Variants in ERCC6L2 observed in about 807,000 individuals in gnomAD.
The protein encoded by ERCC6L2 is DNA excision repair protein ERCC-6-like 2.
Under a neutral mutation model 132.0 loss-of-function variants are expected in ERCC6L2, and 77 were observed. That is an observed-to-expected ratio of 0.58 (90% CI 0.49 to 0.71). The LOEUF is 0.71. Among genes scored for constraint, ERCC6L2 ranks in the 30% least tolerant of loss-of-function variants. ERCC6L2 has a pLI of 0.00. For missense variants in ERCC6L2, 1,542 were observed against 1,837.6 expected (o/e 0.84, Z 2.94); for synonymous variants, 583 against 632.4 (o/e 0.92, Z 1.17).
intron 9 of ERCC6L2, among the ~76,000 whole-genome samples, chr9:95,926,619 T>C (rs914843563): frequency 6.6e-6 from 1 of 152,112 alleles, no homozygotes; most frequent in Non-Finnish European, 1.5e-5. Context: ...TGCTATGGGT[T>C]CTGGGGGAGG....
At chr9:96,007,434 G>A (rs1359857897) in intron 18 of ERCC6L2, among the ~76,000 whole-genome samples, 2 of 152,226 alleles carry the variant, frequency 1.3e-5, no homozygotes, top group Admixed American at 6.5e-5. Flanking sequence ...ATTAATCCAG[G>A]ATCTTGAGAG....
rs766330761 is a variant in ERCC6L2, at chr9:95,876,053, G to C, written c.15G>C (p.Ala5=). 18 of 1,587,176 alleles carry C rather than the reference G, an allele frequency of 1.1e-5. No individual in the cohort carries two copies. In the Admixed American group the frequency reaches 2.6e-4, roughly 23 times the overall value. The change falls in exon 1 of 19, where the codon GCG becomes GCC. Residue 5 remains alanine (A), a synonymous_variant. Coordinates refer to ENST00000653738, the MANE Select transcript of ERCC6L2 (RefSeq NM_020207.7). MDPS[A]PQPRAETSGK... ...CCCCTGGCCGGATGGATCCGTCGGC[G>C]CCACAGCCCCGCGCGGAAACCTCAG...
chr9:95,876,135 G>A (rs1208771427), intron 1 of ERCC6L2, 51 bp downstream of exon 1: 2 of 1,506,984 alleles, frequency 1.3e-6, no homozygotes, highest in Non-Finnish European at 9.0e-7. Context: ...ACTGCGTCGC[G>A]TTGGACCAGT....
At chr9:95,981,432 T>A (rs1832887986) in intron 17 of ERCC6L2, among the ~76,000 whole-genome samples, 1 of 152,230 alleles carries the variant, frequency 6.6e-6, no homozygotes, top group South Asian at 2.1e-4. Context: ...TAGAACATAT[T>A]TTATAAATGT....
At chr9:95,947,782 G>A (rs2132925709) in intron 12 of ERCC6L2, among the ~76,000 whole-genome samples, 1 of 152,202 alleles carries the variant, frequency 6.6e-6, no homozygotes, top group South Asian at 2.1e-4. Flanking sequence ...CTCTGCCTGT[G>A]CTTTGTAAAA....
intron 12 of ERCC6L2, among the ~76,000 whole-genome samples, chr9:95,944,832 G>A (rs923263704): frequency 6.6e-5 from 10 of 152,166 alleles, no homozygotes; most frequent in African/African-American, 1.7e-4. Context: ...TTTTATTAGC[G>A]ATTTTCAAAA....
At chr9:95,905,125 G>A (rs2132647549) in intron 3 of ERCC6L2, 1 of 152,218 alleles carries the variant, frequency 6.6e-6, no homozygotes, top group South Asian at 2.1e-4. Context: ...TGTGTGTAGT[G>A]ACTTAGCAGT....
At chr9:95,922,486 G>T in intron 8 of ERCC6L2, 68 bp downstream of exon 8, 1 of 921,102 alleles carries the variant, frequency 1.1e-6, no homozygotes, top group Non-Finnish European at 1.6e-6. Context: ...TTTTAAAATA[G>T]TTATTAAATA....
intron 16 of ERCC6L2, among the ~76,000 whole-genome samples, chr9:95,973,969 T>A (rs1265964475): frequency 6.6e-6 from 1 of 152,200 alleles, no homozygotes; most frequent in African/African-American, 2.4e-5. Context: ...TCTTCTGTCT[T>A]CTATATTACC....
chr9:95,916,351 A>G lies in ERCC6L2; in HGVS notation c.1075A>G (p.Arg359Gly). 1 of 1,611,854 alleles carries G rather than the reference A, an allele frequency of 6.2e-7. No individual in the cohort carries two copies. The highest frequency in any genetic ancestry group is 8.5e-7 in the Non-Finnish European group (1 of 1,179,502). ...ELATGRKAMQ[R>G]LAKKMSGWFL... is the part of the protein sequence containing the mutation. ...AGCCACTGGCCGAAAGGCCATGCAAAGACTTGCCAAAAAGATGTCTGGCTG... is the reference window on the plus strand; with the variant it reads ...AGCCACTGGCCGAAAGGCCATGCAAGGACTTGCCAAAAAGATGTCTGGCTG... Residue 359 changes from arginine to glycine, a missense_variant, in exon 6 of 19, where the codon AGA becomes GGA. Transcript: ENST00000653738.
In ERCC6L2 at chr9:95,881,182, T is replaced by C. The variant is rs1293820365; in HGVS notation, c.360T>C (p.Asn120=). Residue 120 remains asparagine (N), a synonymous_variant, in exon 2 of 19, where the codon AAT becomes AAC. Transcript: ENST00000653738. ...DNGDSIPYTI[N]RYLRDYQREG... ...GAGACTCTATTCCTTATACCATCAA[T>C]AGGTATTTGAGAGACTACCAAAGAG... is the stretch of plus-strand genomic sequence containing the variant. 2 of 1,613,318 alleles carry C rather than the reference T, an allele frequency of 1.2e-6. No homozygotes were observed. Among genetic ancestry groups the C allele is most frequent in the Non-Finnish European group, 8.5e-7 (1 of 1,179,694 alleles).
chr9:95,956,161 T>C (rs745723015), intron 13 of ERCC6L2, 148 bp downstream of exon 13: 204 of 466,008 alleles, frequency 4.4e-4, no homozygotes, highest in Non-Finnish European at 6.9e-4. Flanking sequence ...AATACACTTT[T>C]ATGAAACAGA....
At chr9:95,927,453 T>C (rs1033171689) in intron 9 of ERCC6L2, among the ~76,000 whole-genome samples, 5 of 152,176 alleles carry the variant, frequency 3.3e-5, no homozygotes, top group African/African-American at 1.2e-4. Flanking sequence ...GTGACTGTTA[T>C]ACACAAGGCT....
intron 12 of ERCC6L2, among the ~76,000 whole-genome samples, chr9:95,947,666 C>T (rs1254420095): frequency 6.6e-6 from 1 of 152,166 alleles, no homozygotes; most frequent in Non-Finnish European, 1.5e-5. Context: ...AAAAGATAGG[C>T]TGACTCTCTT....
intron 17 of ERCC6L2, among the ~76,000 whole-genome samples, chr9:96,002,423 CT>C (rs11398688): frequency 4.4e-4 from 63 of 144,058 alleles, no homozygotes; most frequent in Non-Finnish European, 5.9e-4. Flanking sequence ...GTTAGTTTGG[CT>C]TTTTTTTTTT....
In ERCC6L2 at chr9:96,040,152, GC is replaced by G. The variant is rs1173486442; in HGVS notation, c.*1755+1034del. On this transcript the variant is annotated intron_variant and NMD_transcript_variant, in intron 20 of 20. Transcript: ENST00000670016. ...CTGGGTCTCCAAGAAACACAGTCCT[GC>G]CCCCCCCCAAGCACCCCCACAATAG... 8.3e-4 allele frequency among the ~76,000 whole-genome samples: 126 copies of G among 151,268 alleles called. 1 individual carries two copies. The highest frequency in any genetic ancestry group is 1.4e-3 in the Non-Finnish European group (98 of 67,664).
At chr9:96,000,811 G>A (rs1281784985) in intron 17 of ERCC6L2, among the ~76,000 whole-genome samples, 1 of 152,232 alleles carries the variant, frequency 6.6e-6, no homozygotes, top group African/African-American at 2.4e-5. Context: ...AGCTCGGCCT[G>A]TGGGCTCGTG....
At chr9:95,881,493 A>G (rs1827590777) in intron 2 of ERCC6L2, among the ~76,000 whole-genome samples, 200 bp downstream of exon 2, 2 of 152,186 alleles carry the variant, frequency 1.3e-5, no homozygotes, top group African/African-American at 2.4e-5. Context: ...TTCAGTACCT[A>G]TGAAATATTT....
At chr9:96,006,298 C>G (rs772731867) in intron 18 of ERCC6L2, among the ~76,000 whole-genome samples, 4 of 152,166 alleles carry the variant, frequency 2.6e-5, no homozygotes, top group African/African-American at 4.8e-5. Context: ...TCCTGAAGTG[C>G]AGGAGTAGCG....
Sources: gnomAD v4.1 joint callset for allele counts (sites outside exome capture counted in the v4.1 genomes callset) on GRCh38, gnomAD v4.1.1 for gene constraint, MANE v1.5 for transcripts, NCBI Gene and HGNC (gene_info 2026-07-23, HGNC 2026-07-21) for gene names.